Variants in GRIP2 observed in about 807,000 individuals in gnomAD.
GRIP2 encodes the protein glutamate receptor interacting protein 2.
Under a neutral mutation model 108.3 loss-of-function variants are expected in GRIP2, and 58 were observed. The observed-to-expected ratio is 0.54, with a 90% CI of 0.43 to 0.67. The LOEUF is 0.67. Ranked by LOEUF, GRIP2 falls within the 30% of genes least tolerant of loss-of-function variation. GRIP2 has a pLI of 0.00. For synonymous variants in GRIP2, 586 were observed against 598.2 expected (o/e 0.98, Z 0.30); for missense variants, 1,278 against 1,430.6 (o/e 0.89, Z 1.72).
Position 14,513,675 on chromosome 3 carries a change from G to T in GRIP2, c.1629C>A (p.Phe543Leu). 1.2e-6 allele frequency: 2 copies of T among 1,609,778 alleles called. No homozygotes were observed. The highest frequency in any genetic ancestry group is 1.7e-6 in the Non-Finnish European group (2 of 1,178,252). Residue 543 changes from phenylalanine to leucine, a missense_variant, in exon 13 of 24, where the codon TTC becomes TTA. Physicochemically the swap from Phe to Leu is conservative, Grantham distance 22 (BLOSUM62 0). Transcript: ENST00000621039. ...GGGCCACTCACTCACCCGCCACATC[G>T]AACTCCACCTCCAGCACGACCTTGT... Reference protein sequence around the residue: ...LAHKVVLEVEFDVAESVIPSS... With the variant: ...LAHKVVLEVELDVAESVIPSS...
chr3:14,571,199 C>T, the GRIP2 span, among the ~76,000 whole-genome samples: 7 of 152,144 alleles, frequency 4.6e-5, no homozygotes, highest in African/African-American at 7.2e-5. Flanking sequence ...AGTGTCTGTA[C>T]GTGCAGGTGT....
upstream of GRIP2, among the ~76,000 whole-genome samples, chr3:14,544,728 G>A (rs543873849): frequency 2.1e-4 from 32 of 152,322 alleles, no homozygotes; most frequent in South Asian, 6.4e-3. Context: ...CTCCCTCCCT[G>A]CCTGGTCCTC....
intron 17 of GRIP2, among the ~76,000 whole-genome samples, chr3:14,508,186 G>C (rs1693983583): frequency 6.6e-6 from 1 of 152,226 alleles, no homozygotes; most frequent in African/African-American, 2.4e-5. Flanking sequence ...CCCACCTGGA[G>C]AATGGGCATA....
chr3:14,525,838 G>C lies in GRIP2; in HGVS notation c.121+13C>G. On this transcript the variant is annotated intron_variant, in intron 2 of 23. Transcript: ENST00000621039. Reference sequence around the variant, plus strand: ...CAGGGCAGAAAAAGAGGGAATGAGGGAAGCCTCATTACCTGGAATGCTCTG... The same window carrying C: ...CAGGGCAGAAAAAGAGGGAATGAGGCAAGCCTCATTACCTGGAATGCTCTG... The C allele has an allele frequency of 6.4e-7, 1 of 1,553,524 alleles. No homozygotes were observed. The highest frequency in any genetic ancestry group is 1.2e-5 in the South Asian group (1 of 84,232).
Position 14,511,108 on chromosome 3 carries a change from A to G in GRIP2, c.1933+57T>C. 1 of 1,591,728 alleles carries G rather than the reference A, an allele frequency of 6.3e-7. No individual in the cohort carries two copies. Among genetic ancestry groups the G allele is most frequent in the East Asian group, 2.3e-5 (1 of 44,396 alleles). On this transcript the variant is annotated intron_variant, in intron 16 of 23. Coordinates refer to ENST00000621039, the MANE Select transcript of GRIP2 (RefSeq NM_001080423.4). The surrounding 1 kb of genome is among the most constrained non-coding windows in gnomAD (Gnocchi z 4.1). Reference sequence around the variant, plus strand: ...AGGGAGCCCTGAATTGCAAGCTGGGAACCCGCTAGTCAAAGGGTGGGCCTC... The same window carrying G: ...AGGGAGCCCTGAATTGCAAGCTGGGGACCCGCTAGTCAAAGGGTGGGCCTC...
At chr3:14,558,559 G>A (rs930099169), upstream of GRIP2, among the ~76,000 whole-genome samples, 4 of 152,156 alleles carry the variant, frequency 2.6e-5, no homozygotes, top group Admixed American at 6.5e-5. Context: ...TAAGGAGGCC[G>A]AGGCTCCCAG....
chr3:14,496,339 C>T (rs1484559585), intron 22 of GRIP2, 78 bp downstream of exon 22: 21 of 1,279,652 alleles, frequency 1.6e-5, no homozygotes, highest in Non-Finnish European at 2.2e-5. Flanking sequence ...AGGGGCAGGG[C>T]CCCTCTGGAG....
At chr3:14,496,330 G>A (rs1190540683) in intron 22 of GRIP2, 87 bp downstream of exon 22, 6 of 1,181,166 alleles carry the variant, frequency 5.1e-6, no homozygotes, top group East Asian at 5.2e-5. Flanking sequence ...AGCCCTGAGA[G>A]GGGCAGGGCC....
intron 1 of GRIP2, among the ~76,000 whole-genome samples, chr3:14,552,515 C>T (rs141412066): frequency 2.1e-3 from 323 of 152,282 alleles, no homozygotes; most frequent in African/African-American, 7.6e-3. Flanking sequence ...TTCTGCCCAC[C>T]CTATAGTCCT....
rs1376276026 is a variant in GRIP2, at chr3:14,522,754, C to T, written c.566+246G>A. ...AGGGAAGAACGACACCAAGGCTGCC[C>T]CTCTCCAAACACCCCAACCCCTGAG... On this transcript the variant is annotated intron_variant, in intron 6 of 23. Coordinates refer to ENST00000621039, the MANE Select transcript of GRIP2 (RefSeq NM_001080423.4). The surrounding 1 kb of genome is among the most constrained non-coding windows in gnomAD (Gnocchi z 4.3). 27 of 512,602 alleles carry T rather than the reference C, an allele frequency of 5.3e-5. No homozygotes were observed. The South Asian group carries it at 5.8e-4, about 11-fold the overall frequency. 31.8% of individuals were successfully genotyped at this position (512,602 alleles called of 1,614,324 possible). A position where few individuals can be genotyped will look rare whatever the true frequency, so the allele number is the denominator to read the frequency against.
the GRIP2 span, among the ~76,000 whole-genome samples, chr3:14,585,398 C>T: frequency 1.3e-5 from 2 of 152,234 alleles, no homozygotes; most frequent in Non-Finnish European, 2.9e-5. Flanking sequence ...TGTTAGTGAG[C>T]CCCCATGGGG....
chr3:14,496,366 A>T, intron 22 of GRIP2, 51 bp downstream of exon 22: 1 of 1,505,298 alleles, frequency 6.6e-7, no homozygotes, highest in Non-Finnish European at 9.1e-7. Flanking sequence ...GACAGTGCTC[A>T]TGGCACCAGA....
the GRIP2 span, among the ~76,000 whole-genome samples, chr3:14,577,008 TC>T: frequency 6.6e-6 from 1 of 152,210 alleles, no homozygotes; most frequent in African/African-American, 2.4e-5. Flanking sequence ...TCAACACATT[TC>T]TTTGCTCGTA....
chr3:14,520,834 C>A, intron 7 of GRIP2: 1 of 420,812 alleles, frequency 2.4e-6, no homozygotes, highest in Non-Finnish European at 4.4e-6. Flanking sequence ...TGTGGTATAC[C>A]AGCACTAAAC....
chr3:14,541,333 A>G (rs1333527199), upstream of GRIP2, among the ~76,000 whole-genome samples: 1 of 152,218 alleles, frequency 6.6e-6, no homozygotes, highest in Admixed American at 6.5e-5. Context: ...GTACAACTGC[A>G]CAGTGCGTCT....
At chr3:14,496,356 G>C (rs994838425) in intron 22 of GRIP2, 61 bp downstream of exon 22, 1 of 1,451,252 alleles carries the variant, frequency 6.9e-7, no homozygotes, top group Non-Finnish European at 9.4e-7. Flanking sequence ...GGAGTCCCAC[G>C]ACAGTGCTCA....
At chr3:14,526,531 C>T (rs1010210834) in intron 1 of GRIP2, among the ~76,000 whole-genome samples, 10 of 152,324 alleles carry the variant, frequency 6.6e-5, no homozygotes, top group African/African-American at 2.4e-4. Flanking sequence ...TCTAGGCAGC[C>T]TGAGATAAGT....
chr3:14,551,174 G>A (rs552076683), intron 1 of GRIP2, among the ~76,000 whole-genome samples: 4 of 152,120 alleles, frequency 2.6e-5, no homozygotes, highest in African/African-American at 9.7e-5. Context: ...GGTGCTTTCC[G>A]CTCCATCTGA....
the GRIP2 span, among the ~76,000 whole-genome samples, chr3:14,564,817 T>C: frequency 2.0e-5 from 3 of 152,176 alleles, no homozygotes; most frequent in Middle Eastern, 3.2e-3. Context: ...TGCTCATGAA[T>C]AGGGAGATCA....
Sources: gnomAD v4.1 joint callset for allele counts (sites outside exome capture counted in the v4.1 genomes callset) on GRCh38, gnomAD v4.1.1 for gene constraint, Gnocchi (gnomAD v3.1) non-coding constraint, MANE v1.5 for transcripts, NCBI Gene and HGNC (gene_info 2026-07-23, HGNC 2026-07-21) for gene names.